Variants in CYP39A1 observed in about 807,000 individuals in gnomAD.
The protein encoded by CYP39A1 is cytochrome P450 family 39 subfamily A member 1, also known as 24-hydroxycholesterol 7-alpha-hydroxylase.
In CYP39A1, 49 loss-of-function variants were observed where a neutral mutation model predicts 58.1. That is an observed-to-expected ratio of 0.84 (90% CI 0.67 to 1.07). The LOEUF is 1.07. CYP39A1 is among the 50% of genes least tolerant of loss of function. CYP39A1 has a pLI of 0.00. For synonymous variants in CYP39A1, 209 were observed against 187.6 expected, an observed-to-expected ratio of 1.11 and a Z score of -0.93; for missense variants, 531 against 539.4, an observed-to-expected ratio of 0.98 and a Z score of 0.16.
intron 7 of CYP39A1, among the ~76,000 whole-genome samples, chr6:46,601,138 G>T (rs1026225786): frequency 6.6e-6 from 1 of 152,204 alleles, no homozygotes; most frequent in Admixed American, 6.5e-5. Context: ...CAGAAGTGTT[G>T]TGTGTAGAGA....
At chr6:46,607,236 A>G (rs1274135097) in intron 7 of CYP39A1, among the ~76,000 whole-genome samples, 2 of 152,184 alleles carry the variant, frequency 1.3e-5, no homozygotes, top group East Asian at 1.9e-4. Flanking sequence ...TCTAAGTTTC[A>G]TATAAGAGAA....
chr6:46,616,173 T>C (rs1485478971), intron 7 of CYP39A1, among the ~76,000 whole-genome samples: 8 of 43,636 alleles, frequency 1.8e-4, no homozygotes, highest in African/African-American at 3.2e-4. Flanking sequence ...TTTTCTTTCT[T>C]TCTTTCTTTC....
chr6:46,581,225 T>C (rs1317394560), intron 10 of CYP39A1, among the ~76,000 whole-genome samples: 3 of 152,068 alleles, frequency 2.0e-5, no homozygotes, highest in African/African-American at 7.2e-5. Flanking sequence ...CTATGAAACA[T>C]AGTGAGACCT....
At chr6:46,600,232 G>A (rs1039454952) in intron 7 of CYP39A1, among the ~76,000 whole-genome samples, 18 of 151,764 alleles carry the variant, frequency 1.2e-4, no homozygotes, top group Non-Finnish European at 4.4e-5. Flanking sequence ...AGGTTCAAGC[G>A]ATTCAGCCTC....
intron 7 of CYP39A1, among the ~76,000 whole-genome samples, chr6:46,598,281 G>A (rs1267626273): frequency 2.0e-5 from 3 of 152,050 alleles, no homozygotes; most frequent in Non-Finnish European, 4.4e-5. Flanking sequence ...ATCCATACAA[G>A]CAAATCATTA....
At chr6:46,609,570 G>T (rs2150547362) in intron 7 of CYP39A1, among the ~76,000 whole-genome samples, 1 of 152,256 alleles carries the variant, frequency 6.6e-6, no homozygotes, top group East Asian at 1.9e-4. Flanking sequence ...GCCTCAGTCA[G>T]AGAGCTCACA....
intron 7 of CYP39A1, among the ~76,000 whole-genome samples, chr6:46,605,864 C>G (rs1228504858): frequency 2.0e-5 from 3 of 152,180 alleles, no homozygotes; most frequent in Non-Finnish European, 1.5e-5. Context: ...AATCTATTTA[C>G]AGCATCTACA....
intron 11 of CYP39A1, among the ~76,000 whole-genome samples, chr6:46,550,791 T>C (rs1480701771): frequency 1.3e-5 from 2 of 152,154 alleles, no homozygotes; most frequent in Non-Finnish European, 2.9e-5. Flanking sequence ...AATCGCTGAG[T>C]GAGATCTCCA....
In CYP39A1 at chr6:46,596,829, G is replaced by T. The variant is rs1055836497; in HGVS notation, c.932-709C>A. On this transcript the variant is annotated intron_variant, in intron 7 of 11. Coordinates refer to ENST00000275016, the MANE Select transcript of CYP39A1 (RefSeq NM_016593.5). Reference sequence around the variant, plus strand: ...ACTTTCAGTCAAATTAGACAGTTTAGTTAACAATATTTCAAGTAAAATGTT... The same window carrying T: ...ACTTTCAGTCAAATTAGACAGTTTATTTAACAATATTTCAAGTAAAATGTT... Among the ~76,000 whole-genome samples, 27 of 152,096 alleles carry T rather than the reference G, an allele frequency of 1.8e-4. 1 individual carries two copies. The highest frequency in any genetic ancestry group is 8.5e-4 in the Admixed American group (13 of 15,248).
chr6:46,561,626 C>G (rs931250872), intron 10 of CYP39A1, among the ~76,000 whole-genome samples: 1 of 151,996 alleles, frequency 6.6e-6, no homozygotes, highest in African/African-American at 2.4e-5. Flanking sequence ...AGTGTTGGGA[C>G]TTTAATAACG....
intron 6 of CYP39A1, among the ~76,000 whole-genome samples, chr6:46,626,917 C>G (rs1264662291): frequency 1.3e-5 from 2 of 152,128 alleles, no homozygotes; most frequent in African/African-American, 4.8e-5. Flanking sequence ...ATGTATTAGT[C>G]TGTTTTCACA....
chr6:46,611,675 A>AT (rs397973057), intron 7 of CYP39A1, among the ~76,000 whole-genome samples: 4 of 152,078 alleles, frequency 2.6e-5, no homozygotes, highest in South Asian at 2.1e-4. Context: ...CATAATCATG[A>AT]TTTTTTTTCA....
intron 8 of CYP39A1, among the ~76,000 whole-genome samples, chr6:46,595,621 A>T (rs1773101494): frequency 6.6e-6 from 1 of 151,990 alleles, no homozygotes; most frequent in Non-Finnish European, 1.5e-5. Context: ...GAGAGATATT[A>T]GTCAAAGGAT....
intron 7 of CYP39A1, among the ~76,000 whole-genome samples, chr6:46,606,480 C>T (rs1233312281): frequency 1.3e-5 from 2 of 152,150 alleles, no homozygotes; most frequent in African/African-American, 4.8e-5. Context: ...ATTTGTTCTT[C>T]CAGCATTGTG....
chr6:46,637,798 C>T lies in CYP39A1; in HGVS notation c.638+31G>A, dbSNP rs374631651. ...GTTGAATTGCTGAGATAAGCTTGGTCAATGAATTAATTATAGGAAACAACT... is the reference window on the plus strand; with the variant it reads ...GTTGAATTGCTGAGATAAGCTTGGTTAATGAATTAATTATAGGAAACAACT... On this transcript the variant is annotated intron_variant, in intron 4 of 11. Transcript: ENST00000275016. 5 of 1,601,078 alleles carry T rather than the reference C, an allele frequency of 3.1e-6. No individual in the cohort carries two copies. The African/African-American group carries it at 6.8e-5, about 22-fold the overall frequency.
At chr6:46,623,698 C>G (rs145454732) in intron 7 of CYP39A1, among the ~76,000 whole-genome samples, 2 of 152,020 alleles carry the variant, frequency 1.3e-5, no homozygotes, top group Admixed American at 6.6e-5. Context: ...CCTGACTAAT[C>G]GAATGTACTT....
chr6:46,604,640 A>T (rs1773728000), intron 7 of CYP39A1, among the ~76,000 whole-genome samples: 1 of 152,204 alleles, frequency 6.6e-6, no homozygotes, highest in African/African-American at 2.4e-5. Context: ...ATGAAATCAG[A>T]CCTTTTCTGT....
At chr6:46,558,162 A>G (rs1770758932) in intron 10 of CYP39A1, among the ~76,000 whole-genome samples, 1 of 152,076 alleles carries the variant, frequency 6.6e-6, no homozygotes. Context: ...GAAAAATAAT[A>G]AGCAGTCAAG....
chr6:46,594,736 G>C (rs975665531), intron 8 of CYP39A1, among the ~76,000 whole-genome samples: 2 of 151,938 alleles, frequency 1.3e-5, no homozygotes, highest in African/African-American at 4.8e-5. Context: ...AAGACCCCAT[G>C]ACAGTGATCT....
Sources: gnomAD v4.1 joint callset for allele counts (sites outside exome capture counted in the v4.1 genomes callset) on GRCh38, gnomAD v4.1.1 for gene constraint, MANE v1.5 for transcripts, NCBI Gene and HGNC (gene_info 2026-07-23, HGNC 2026-07-21) for gene names.